The following ATL2 variants were observed in gnomAD, a reference collection of about 807,000 sequenced individuals.
ATL2 encodes the protein atlastin-2.
In ATL2, 31 loss-of-function variants were observed where a neutral mutation model predicts 73.9. The observed-to-expected ratio is 0.42, with a 90% confidence interval of 0.32 to 0.57. ATL2 has a LOEUF of 0.57. Among genes scored for constraint, ATL2 ranks in the 20% least tolerant of loss-of-function variants. The pLI, the probability that ATL2 is intolerant of heterozygous loss-of-function variation, is 0.14. For missense variants in ATL2, 738 were observed against 702.6 expected (o/e 1.05, Z -0.57); for synonymous variants, 291 against 237.5 (o/e 1.23, Z -2.07).
intron 1 of ATL2, chr2:38,376,159 T>G: frequency 6.5e-7 from 1 of 1,532,116 alleles, no homozygotes; most frequent in Non-Finnish European, 8.8e-7. Context: ...GAAAAAACTT[T>G]ATGCCTTTCT....
intron 2 of ATL2, among the ~76,000 whole-genome samples, chr2:38,338,432 C>T (rs930536620): frequency 6.6e-6 from 1 of 152,104 alleles, no homozygotes; most frequent in South Asian, 2.1e-4. Context: ...CAAACCTGCA[C>T]ATATAGCCCC....
intron 1 of ATL2, among the ~76,000 whole-genome samples, chr2:38,350,731 G>A (rs767183968): frequency 5.3e-5 from 8 of 151,662 alleles, no homozygotes; most frequent in Admixed American, 2.6e-4. Flanking sequence ...CTACAATTTC[G>A]CTTCATATTG....
chr2:38,310,947 C>T (rs1667726996), intron 7 of ATL2, among the ~76,000 whole-genome samples: 1 of 152,042 alleles, frequency 6.6e-6, no homozygotes, highest in South Asian at 2.1e-4. Context: ...TTTCTTAAAC[C>T]ACAAAAGATG....
intron 1 of ATL2, among the ~76,000 whole-genome samples, chr2:38,354,336 T>C (rs1670537851): frequency 6.6e-6 from 1 of 152,188 alleles, no homozygotes; most frequent in African/African-American, 2.4e-5. Flanking sequence ...GATACAAATA[T>C]AAAAGACTGG....
intron 1 of ATL2, among the ~76,000 whole-genome samples, chr2:38,366,097 GA>G (rs376873019): frequency 0.014 from 1,434 of 102,120 alleles, 15 homozygotes; most frequent in African/African-American, 0.034. Flanking sequence ...TGACTAATTT[GA>G]AAAAAAAAAA....
intron 8 of ATL2, 124 bp downstream of exon 8, chr2:38,310,185 A>G (rs72803183): frequency 0.056 from 62,823 of 1,118,832 alleles, 2,317 homozygotes; most frequent in Non-Finnish European, 0.067. Flanking sequence ...CAACCACAAC[A>G]TGAACAATGC....
At chr2:38,297,831 T>C (rs1447767585) in intron 12 of ATL2, 1 of 193,120 alleles carries the variant, frequency 5.2e-6, no homozygotes, top group African/African-American at 2.3e-5. Context: ...AAATCATTCA[T>C]TGTTTATATT....
intron 1 of ATL2, among the ~76,000 whole-genome samples, chr2:38,357,480 C>G (rs1573566295): frequency 6.6e-6 from 1 of 151,416 alleles, no homozygotes; most frequent in African/African-American, 2.4e-5. Context: ...ATGGTGAAAC[C>G]TCATCTCTAC....
At position 38,321,489 on chromosome 2, in the gene ATL2, G is replaced by C. The variant is rs747277604; in HGVS notation, c.364-2470C>G. ...TCAGAAGATTATTTTGACACTCCCC[G>C]GACAAGTAAAACTGGTGATCCTGCC... On this transcript the variant is annotated intron_variant, in intron 2 of 12. Coordinates refer to ENST00000378954, the MANE Select transcript of ATL2 (RefSeq NM_001135673.4). Among the ~76,000 whole-genome samples, 12 of 152,100 alleles carry C rather than the reference G, an allele frequency of 7.9e-5. No homozygotes were observed. In the East Asian group the frequency reaches 2.3e-3, roughly 29 times the overall value.
intron 1 of ATL2, among the ~76,000 whole-genome samples, chr2:38,368,265 A>ATTTTTTTTT (rs1671464013): frequency 9.4e-6 from 1 of 106,150 alleles, no homozygotes. Context: ...TTTTTTTTTT[A>ATTTTTTTTT]ATTTGAGACG....
chr2:38,377,342 G>A (rs1672049823), upstream of ATL2: 2 of 1,281,866 alleles, frequency 1.6e-6, no homozygotes, highest in Non-Finnish European at 2.1e-6. Context: ...CGGCGGGGTG[G>A]CCGGCGGGTC....
intron 1 of ATL2, among the ~76,000 whole-genome samples, chr2:38,376,924 CT>C (rs1672006359): frequency 6.6e-6 from 1 of 150,822 alleles, no homozygotes; most frequent in Non-Finnish European, 1.5e-5. Flanking sequence ...CTCCCAGCAG[CT>C]ACTGGAGCCG....
chr2:38,299,450 G>A, intron 10 of ATL2, 123 bp from the exon 11 acceptor site: 1 of 1,022,414 alleles, frequency 9.8e-7, no homozygotes, highest in Non-Finnish European at 1.3e-6. Context: ...GTAACTTCCA[G>A]TTTTTCTTTC....
intron 1 of ATL2, among the ~76,000 whole-genome samples, chr2:38,373,859 C>T (rs537696055): frequency 5.5e-4 from 84 of 152,232 alleles, no homozygotes; most frequent in African/African-American, 2.0e-3. Flanking sequence ...TATCCTATTG[C>T]CATCATATTT....
chr2:38,376,769 G>C (rs970015554), intron 1 of ATL2, among the ~76,000 whole-genome samples: 1 of 151,858 alleles, frequency 6.6e-6, no homozygotes, highest in Admixed American at 6.6e-5. Context: ...CGGACGGAGC[G>C]GAGCCGCAGC....
Position 38,331,201 on chromosome 2 carries a change from G to A in ATL2, c.363+12067C>T, listed in dbSNP as rs139100605. Among the ~76,000 whole-genome samples the A allele has an allele frequency of 3.6e-3, 548 of 152,118 alleles. 3 individuals carry two copies. Among genetic ancestry groups the A allele is most frequent in the African/African-American group, 0.012 (500 of 41,512 alleles). On this transcript the variant is annotated intron_variant, in intron 2 of 12. Transcript: ENST00000378954. Reference sequence around the variant, plus strand: ...TGTAATCCCATCACTTTGGGAGGCCGAGGTGGGCGGATCACGAGGTCAAGA... The same window carrying A: ...TGTAATCCCATCACTTTGGGAGGCCAAGGTGGGCGGATCACGAGGTCAAGA...
chr2:38,351,440 T>C (rs1020059684), intron 1 of ATL2, among the ~76,000 whole-genome samples: 5 of 152,152 alleles, frequency 3.3e-5, no homozygotes, highest in Admixed American at 6.5e-5. Context: ...ACTGACATAT[T>C]ATGCAGCCTA....
intron 2 of ATL2, among the ~76,000 whole-genome samples, chr2:38,327,538 T>TAAAAAAAAAAAAAAA (rs1668734110): frequency 2.5e-5 from 1 of 39,486 alleles, no homozygotes; most frequent in African/African-American, 1.6e-4. Context: ...AAAAAAAAAG[T>TAAAAAAAAAAAAAAA]ACAAAAAAAA....
At chr2:38,329,375 C>A (rs1321423337) in intron 2 of ATL2, among the ~76,000 whole-genome samples, 1 of 130,304 alleles carries the variant, frequency 7.7e-6, no homozygotes, top group East Asian at 2.2e-4. Flanking sequence ...GTGCAGTGGG[C>A]CAAGATCATG....
Sources: allele counts gnomAD v4.1 joint callset (sites outside exome capture counted in the v4.1 genomes callset), GRCh38; gene constraint gnomAD v4.1.1; transcripts MANE v1.5; gene names NCBI Gene and HGNC (gene_info 2026-07-23, HGNC 2026-07-21).